RUFY1: variants seen among roughly 807,000 people sequenced by gnomAD.
The protein encoded by RUFY1 is RUN and FYVE domain-containing protein 1.
RUFY1 carries 54 observed loss-of-function variants against 94.6 expected under a neutral mutation model. The ratio of observed to expected loss-of-function variants is 0.57; its 90% CI spans 0.46 to 0.72. The LOEUF is 0.72. RUFY1 is among the 30% of genes least tolerant of loss of function. The pLI, the probability that RUFY1 is intolerant of heterozygous loss-of-function variation, is 0.00. For missense variants in RUFY1, 883 were observed against 883.9 expected (o/e 1.00, Z 0.01); for synonymous variants, 396 against 347.3 (o/e 1.14, Z -1.56).
At chr5:179,571,389 C>T (rs1209363442) in intron 5 of RUFY1, among the ~76,000 whole-genome samples, 1 of 151,982 alleles carries the variant, frequency 6.6e-6, no homozygotes. Context: ...ATCCCAGCTA[C>T]TCTGGAGGCT....
intron 15 of RUFY1, among the ~76,000 whole-genome samples, chr5:179,604,988 AAAAAAAAG>A (rs1396871894): frequency 2.9e-4 from 44 of 150,248 alleles, no homozygotes; most frequent in African/African-American, 8.8e-4. Context: ...CATCTCAAAA[AAAAAAAAG>A]AAAAAAAGAA....
chr5:179,602,082 G>A, intron 15 of RUFY1, 96 bp downstream of exon 15: 1 of 1,005,170 alleles, frequency 9.9e-7, no homozygotes. Flanking sequence ...GGCGAACGGA[G>A]GGTGGGCCAT....
chr5:179,566,372 A>G (rs960374208), intron 3 of RUFY1, among the ~76,000 whole-genome samples: 1 of 152,152 alleles, frequency 6.6e-6, no homozygotes, highest in Non-Finnish European at 1.5e-5. Flanking sequence ...TAGGAGGCCA[A>G]GGTGGGTGGA....
intron 2 of RUFY1, among the ~76,000 whole-genome samples, chr5:179,561,678 C>CTT (rs71001004): frequency 0.034 from 2,188 of 64,554 alleles, 258 homozygotes; most frequent in South Asian, 0.043. Context: ...TTTTTTCTTT[C>CTT]TTTTTTTTTT....
At chr5:179,598,859 A>G in intron 14 of RUFY1, 38 bp downstream of exon 14, 1 of 1,612,430 alleles carries the variant, frequency 6.2e-7, no homozygotes, top group Non-Finnish European at 8.5e-7. Context: ...AGCCTCTGGC[A>G]GCCTCCAGAA....
chr5:179,579,657 CTTTTTTTTTTTTTT>C (rs61062422), intron 6 of RUFY1, among the ~76,000 whole-genome samples: 1 of 50,548 alleles, frequency 2.0e-5, no homozygotes, highest in African/African-American at 6.1e-5. Flanking sequence ...TTTTCTTCTT[CTTTTTTTTTTTTTT>C]TTTTTTTTGA....
chr5:179,583,900 C>G (rs1219350507), intron 7 of RUFY1, among the ~76,000 whole-genome samples: 1 of 151,464 alleles, frequency 6.6e-6, no homozygotes, highest in African/African-American at 2.4e-5. Flanking sequence ...CAGGCGCCCA[C>G]CACCATGCCC....
At chr5:179,585,647 T>C (rs1276621536) in intron 7 of RUFY1, 149 bp from the exon 8 acceptor site, 1 of 615,218 alleles carries the variant, frequency 1.6e-6, no homozygotes, top group African/African-American at 1.9e-5. Flanking sequence ...AATGTATATT[T>C]AGAATTCTCA....
At chr5:179,583,496 A>C (rs1024649163) in intron 7 of RUFY1, among the ~76,000 whole-genome samples, 11 of 148,410 alleles carry the variant, frequency 7.4e-5, no homozygotes, top group African/African-American at 2.5e-4. Context: ...GGCTCACTGC[A>C]AGCTCCGCCT....
intron 17 of RUFY1, chr5:179,608,406 A>C (rs1767336339): frequency 1.1e-5 from 11 of 985,560 alleles, no homozygotes; most frequent in Non-Finnish European, 1.3e-5. Context: ...CTTTGAGATC[A>C]CATGTGTCTA....
intron 14 of RUFY1, 37 bp downstream of exon 14, chr5:179,598,858 C>T (rs746896159): frequency 2.5e-6 from 4 of 1,612,144 alleles, no homozygotes; most frequent in Non-Finnish European, 3.4e-6. Flanking sequence ...GAGCCTCTGG[C>T]AGCCTCCAGA....
At chr5:179,556,683 T>C (rs75564157) in intron 1 of RUFY1, among the ~76,000 whole-genome samples, 3,252 of 152,102 alleles carry the variant, frequency 0.021, 135 homozygotes, top group African/African-American at 0.073. Context: ...GTATTTTTAG[T>C]AGAGACGGGT....
chr5:179,550,854 C>A lies in RUFY1; in HGVS notation c.285C>A (p.Asp95Glu), dbSNP rs1761798292. The change falls in exon 1 of 18, where the codon GAC becomes GAA. Residue 95 changes from aspartate (D) to glutamate (E), a missense_variant. Transcript: ENST00000319449. ...CGGCCGCGGGGCTGGGCGGCGGGGA[C>A]AGCGGGGACGGCACGGCGCGCGCAG... ...LRAAAGLGGG[D>E]SGDGTARAAS... The A allele has an allele frequency of 3.3e-6, 4 of 1,200,884 alleles. No individual in the cohort carries two copies. In the South Asian group the frequency reaches 1.2e-4, roughly 35 times the overall value. The allele number at this position is 1,200,884 out of a possible 1,614,324, so 74.4% of individuals were successfully genotyped here. A position where few individuals can be genotyped will look rare whatever the true frequency, so the allele number is the denominator to read the frequency against.
intron 12 of RUFY1, 112 bp from the exon 13 acceptor site, chr5:179,596,450 C>CA (rs1191925670): frequency 2.9e-5 from 40 of 1,366,848 alleles, no homozygotes; most frequent in Non-Finnish European, 4.1e-5. Flanking sequence ...TTAAAACTCA[C>CA]AAGAGTTAAT....
At chr5:179,598,885 C>T (rs559381101) in intron 14 of RUFY1, 64 bp downstream of exon 14, 17 of 1,583,470 alleles carry the variant, frequency 1.1e-5, no homozygotes, top group African/African-American at 1.0e-4. Context: ...TAACATGCTC[C>T]GGGCAGGCTC....
intron 3 of RUFY1, among the ~76,000 whole-genome samples, chr5:179,564,103 G>T (rs925101142): frequency 6.7e-6 from 1 of 148,986 alleles, no homozygotes; most frequent in South Asian, 2.1e-4. Context: ...CTACACAGAC[G>T]GCGTCCTGAT....
At position 179,593,481 on chromosome 5, in the gene RUFY1, C is replaced by T. The variant is rs375970287; in HGVS notation, c.1249C>T (p.Leu417=). Residue 417 remains leucine (L), a synonymous_variant, in exon 11 of 18, where the codon CTG becomes TTG. Transcript: ENST00000319449. ...TCCTTGTAAATATCCTTTTAAGGAA[C>T]TGGAAAAAGAACTGGAGTTACAAAT... ...LKEEKKVRLE[L]EKELELQIGM... is the part of the protein sequence containing the mutation. 39 of 1,587,886 alleles carry T rather than the reference C, an allele frequency of 2.5e-5. No homozygotes were observed. Among genetic ancestry groups the T allele is most frequent in the Non-Finnish European group, 3.3e-5 (38 of 1,156,340 alleles).
chr5:179,552,182 A>AAAAAAAAAAAAC (rs1278491799), intron 1 of RUFY1, among the ~76,000 whole-genome samples: 14 of 149,956 alleles, frequency 9.3e-5, no homozygotes, highest in African/African-American at 3.2e-4. Context: ...AAAAAAAAAA[A>AAAAAAAAAAAAC]AAAAACTTGT....
At chr5:179,608,908 G>A (rs1767395927) in intron 17 of RUFY1, among the ~76,000 whole-genome samples, 1 of 134,348 alleles carries the variant, frequency 7.4e-6, no homozygotes, top group African/African-American at 2.8e-5. Context: ...CCCAGCCTGG[G>A]CGACAGAGAC....
Sources: gnomAD v4.1 joint callset for allele counts (sites outside exome capture counted in the v4.1 genomes callset) on GRCh38, gnomAD v4.1.1 for gene constraint, MANE v1.5 for transcripts, NCBI Gene and HGNC (gene_info 2026-07-23, HGNC 2026-07-21) for gene names.